Variants in FANCI observed in about 807,000 individuals in gnomAD.
FANCI encodes the protein FA complementation group I, also known as Fanconi anemia group I protein.
A neutral mutation model predicts 176.1 loss-of-function variants in FANCI; 156 were observed. The observed-to-expected ratio is 0.89, with a 90% confidence interval of 0.78 to 1.01. FANCI has a LOEUF of 1.01. Ranked by LOEUF, FANCI falls within the 50% of genes least tolerant of loss-of-function variation. FANCI has a pLI of 0.00. For synonymous variants in FANCI, 613 were observed against 541.7 expected, an observed-to-expected ratio of 1.13 and a Z score of -1.83; for missense variants, 1,678 against 1,534.1, an observed-to-expected ratio of 1.09 and a Z score of -1.57.
rs781373845 is a variant in FANCI at position 89,316,709 on chromosome 15, G to A, written c.*250G>A. The A allele has an allele frequency of 3.1e-5, 47 of 1,522,276 alleles. No homozygotes were observed. The highest frequency in any genetic ancestry group is 1.8e-4 in the Admixed American group (11 of 59,874). 94.3% of individuals were successfully genotyped at this position (1,522,276 alleles called of 1,614,324 possible). On this transcript the variant is annotated 3_prime_UTR_variant, in exon 38 of 38. Transcript: ENST00000310775. ...TGAGTTTGGGAGCCTGCACCACCCC[G>A]ATGAAGCTCCACGGGAGCAAATACA...
intron 1 of FANCI, among the ~76,000 whole-genome samples, chr15:89,245,583 T>C (rs908685936): frequency 6.6e-6 from 1 of 151,862 alleles, no homozygotes; most frequent in African/African-American, 2.4e-5. Flanking sequence ...GGGCAGTGGA[T>C]GGAAGCAGGA....
At chr15:89,263,361 A>G (rs963022092) in intron 6 of FANCI, 58 bp from the exon 7 acceptor site, 2 of 1,477,864 alleles carry the variant, frequency 1.4e-6, no homozygotes, top group African/African-American at 2.8e-5. Flanking sequence ...CATTAATTTT[A>G]CAAAGTTATA....
intron 3 of FANCI, chr15:89,259,377 G>A (rs1263083741): frequency 6.5e-6 from 1 of 153,486 alleles, no homozygotes; most frequent in East Asian, 1.9e-4. Flanking sequence ...TCTGCTGCAA[G>A]GGTACAAAAA....
intron 34 of FANCI, among the ~76,000 whole-genome samples, chr15:89,311,227 C>A (rs1013963674): frequency 6.6e-6 from 1 of 151,826 alleles, no homozygotes; most frequent in Non-Finnish European, 1.5e-5. Flanking sequence ...CCACTGCACT[C>A]CAGCCTGGGC....
chr15:89,306,295 A>C, intron 32 of FANCI, 101 bp downstream of exon 32: 1 of 1,212,212 alleles, frequency 8.2e-7, no homozygotes, highest in Non-Finnish European at 1.2e-6. Context: ...GCCCCTAAAC[A>C]AGAGAGCATT....
chr15:89,307,083 C>A (rs1438398585), intron 32 of FANCI, among the ~76,000 whole-genome samples: 2 of 152,208 alleles, frequency 1.3e-5, no homozygotes, highest in Non-Finnish European at 2.9e-5. Context: ...ATGTGGACCA[C>A]CCCGCATCAC....
intron 25 of FANCI, 81 bp downstream of exon 25, chr15:89,300,047 C>G (rs2054470193): frequency 6.7e-7 from 1 of 1,495,678 alleles, no homozygotes; most frequent in Non-Finnish European, 9.3e-7. Context: ...GTTAACCTAC[C>G]AGAAGACACT....
chr15:89,292,786 A>G lies in FANCI; in HGVS notation c.2091A>G (p.Ala697=), dbSNP rs1262206533. Residue 697 remains alanine (A), a synonymous_variant, in exon 21 of 38, where the codon GCA becomes GCG. Transcript: ENST00000310775. ...QGEEEEEEEE[A]FYEDLDDILE... ...AGGAGGAAGAGGAGGAGGAAGAGGCATTCTACGAAGACCTAGATGATATAT... is the reference window on the plus strand; with the variant it reads ...AGGAGGAAGAGGAGGAGGAAGAGGCGTTCTACGAAGACCTAGATGATATAT... 1.9e-6 allele frequency: 3 copies of G among 1,614,082 alleles called. No individual in the cohort carries two copies. Among genetic ancestry groups the G allele is most frequent in the Non-Finnish European group, 2.5e-6 (3 of 1,179,982 alleles).
chr15:89,292,875 A>G lies in FANCI; in HGVS notation c.2169+11A>G, dbSNP rs769743664. On this transcript the variant is annotated intron_variant, in intron 21 of 37. Coordinates refer to ENST00000310775, the MANE Select transcript of FANCI (RefSeq NM_001113378.2). ...GAAGACTTTGAACTGGTAATTGCTA[A>G]GTCCTCAGCTGTATTGAATGATGGA... 2 of 1,614,106 alleles carry G rather than the reference A, an allele frequency of 1.2e-6. No homozygotes were observed. Among genetic ancestry groups the G allele is most frequent in the Non-Finnish European group, 1.7e-6 (2 of 1,179,994 alleles).
At chr15:89,311,548 T>G (rs1208151029) in intron 34 of FANCI, among the ~76,000 whole-genome samples, 1 of 152,152 alleles carries the variant, frequency 6.6e-6, no homozygotes, top group African/African-American at 2.4e-5. Flanking sequence ...TCTGGGAAGA[T>G]GGTTCACTTC....
At chr15:89,272,995 T>C (rs941894053) in intron 10 of FANCI, among the ~76,000 whole-genome samples, 4 of 152,088 alleles carry the variant, frequency 2.6e-5, no homozygotes, top group African/African-American at 7.2e-5. Context: ...TAGGCTGTTA[T>C]ACTTTTAAGA....
chr15:89,281,857 C>G, intron 16 of FANCI, 22 bp downstream of exon 16: 1 of 1,607,590 alleles, frequency 6.2e-7, no homozygotes, highest in Non-Finnish European at 8.5e-7. Context: ...CTTTTTCTAT[C>G]ATAGGAAGAC....
rs1421671395 is a variant in FANCI at position 89,316,453 on chromosome 15, A to C, written c.3981A>C (p.Lys1327Asn). Residue 1327 changes from lysine to asparagine, a missense_variant, in exon 38 of 38, where the codon AAA (lysine) becomes AAC (asparagine). Physicochemically the swap from Lys to Asn is moderately conservative, Grantham distance 94 (BLOSUM62 0). This residue lies in a region of FANCI where 1,204 missense variants were observed against 1,077.4 expected (regional missense o/e 1.12). Transcript: ENST00000310775. ...QNKEPAKKKRKK is the reference protein window; with the variant it reads ...QNKEPAKKKRNK ...AAGAACCAGCCAAGAAGAAAAGGAA[A>C]AAATAAATGAAATGCCTGAGTTAAT... 3 of 1,609,702 alleles carry C rather than the reference A, an allele frequency of 1.9e-6. No homozygotes were observed. Among genetic ancestry groups the C allele is most frequent in the Non-Finnish European group, 2.5e-6 (3 of 1,177,442 alleles).
intron 24 of FANCI, 60 bp downstream of exon 24, chr15:89,295,154 C>T (rs1406877337): frequency 4.0e-6 from 6 of 1,501,858 alleles, no homozygotes; most frequent in East Asian, 2.5e-5. Context: ...TCCAAGAGAA[C>T]AAACTGGGAA....
Position 89,316,902 on chromosome 15 carries a change from C to A in FANCI, c.*443C>A. 9.4e-7 allele frequency: 1 copy of A among 1,063,742 alleles called. No individual in the cohort carries two copies. The highest frequency in any genetic ancestry group is 1.3e-5 in the South Asian group (1 of 79,782). The allele number at this position is 1,063,742 out of a possible 1,614,324, so 65.9% of individuals were successfully genotyped here. A position where few individuals can be genotyped will look rare whatever the true frequency, so the allele number is the denominator to read the frequency against. On this transcript the variant is annotated 3_prime_UTR_variant, in exon 38 of 38. Transcript: ENST00000310775. ...GAGAGCTCAGAAGTGAGCAAAGGAG[C>A]TTAATGCTAAGGTCAAAAGGAGAGT...
intron 34 of FANCI, among the ~76,000 whole-genome samples, chr15:89,309,839 A>AG (rs2054886532): frequency 6.6e-6 from 1 of 152,258 alleles, no homozygotes; most frequent in Non-Finnish European, 1.5e-5. Flanking sequence ...AATGTTCCAT[A>AG]GAGTACAGTT....
At chr15:89,281,953 G>A (rs775808035) in intron 16 of FANCI, 118 bp downstream of exon 16, 60 of 964,578 alleles carry the variant, frequency 6.2e-5, no homozygotes, top group Non-Finnish European at 9.7e-5. Context: ...TCCTAGCCCC[G>A]CAGAGCAATT....
intron 14 of FANCI, among the ~76,000 whole-genome samples, chr15:89,279,261 A>G (rs973165071): frequency 2.6e-5 from 4 of 152,106 alleles, no homozygotes; most frequent in Non-Finnish European, 5.9e-5. Context: ...GGGTTCACGC[A>G]GTTCTCGTGT....
intron 36 of FANCI, 127 bp downstream of exon 36, chr15:89,314,834 T>TC (rs1567180820): frequency 2.1e-4 from 73 of 350,506 alleles, no homozygotes; most frequent in Admixed American, 1.1e-3. Context: ...CCATCCCCCC[T>TC]CTCCCCCCCC....
Sources: gnomAD v4.1 joint callset for allele counts (sites outside exome capture counted in the v4.1 genomes callset) on GRCh38, gnomAD v4.1.1 for gene constraint, gnomAD v4.1.1 regional missense constraint, MANE v1.5 for transcripts, NCBI Gene and HGNC (gene_info 2026-07-23, HGNC 2026-07-21) for gene names.